The following WDPCP variants were observed in gnomAD, a reference collection of about 807,000 sequenced individuals.
WDPCP encodes the protein WD repeat containing planar cell polarity effector.
A neutral mutation model predicts 93.1 loss-of-function variants in WDPCP; 71 were observed. That is an observed-to-expected ratio of 0.76 (90% CI 0.63 to 0.93). The LOEUF (loss-of-function observed/expected upper bound fraction) is 0.93, where lower values mean the gene tolerates loss of function less well. Ranked by LOEUF, WDPCP falls within the 40% of genes least tolerant of loss-of-function variation. The probability of loss-of-function intolerance (pLI) is 0.00; values close to 1 mark genes in which losing one functional copy is unlikely to be tolerated. For missense variants in WDPCP, 844 were observed against 887.4 expected (o/e 0.95, Z 0.62); for synonymous variants, 315 against 315.0 (o/e 1.00, Z 0.00).
intron 2 of WDPCP, among the ~76,000 whole-genome samples, chr2:63,735,596 G>A (rs1669627204): frequency 6.6e-6 from 1 of 152,140 alleles, no homozygotes; most frequent in Non-Finnish European, 1.5e-5. Flanking sequence ...AGCTGTATGT[G>A]GGAAAGATTA....
At chr2:63,390,066 T>A (rs916598486) in intron 10 of WDPCP, among the ~76,000 whole-genome samples, 1 of 152,124 alleles carries the variant, frequency 6.6e-6, no homozygotes, top group Non-Finnish European at 1.5e-5. Context: ...TCTACAGAAT[T>A]CTCTACCCCT....
chr2:63,149,505 C>G (rs775778627), intron 17 of WDPCP, among the ~76,000 whole-genome samples: 1 of 152,290 alleles, frequency 6.6e-6, no homozygotes, highest in Non-Finnish European at 1.5e-5. Context: ...AGAAATTTCA[C>G]TCCTAAGTAT....
chr2:63,207,037 G>A (rs548530078), intron 14 of WDPCP, among the ~76,000 whole-genome samples: 3 of 152,174 alleles, frequency 2.0e-5, no homozygotes, highest in African/African-American at 7.2e-5. Flanking sequence ...TATGAGTTAT[G>A]ACCACTGTAG....
At chr2:63,414,760 C>G (rs1695287025) in intron 9 of WDPCP, among the ~76,000 whole-genome samples, 1 of 152,148 alleles carries the variant, frequency 6.6e-6, no homozygotes, top group Non-Finnish European at 1.5e-5. Context: ...TAAAAGACTA[C>G]AAATATGGTG....
chr2:63,574,386 C>A (rs748220985), intron 1 of WDPCP, among the ~76,000 whole-genome samples: 1 of 152,042 alleles, frequency 6.6e-6, no homozygotes, highest in Non-Finnish European at 1.5e-5. Context: ...TGAATTTTAC[C>A]CGATATCTGG....
At chr2:63,409,496 G>A (rs1211730398) in intron 9 of WDPCP, among the ~76,000 whole-genome samples, 1 of 152,124 alleles carries the variant, frequency 6.6e-6, no homozygotes, top group Admixed American at 6.6e-5. Context: ...AGGCTCTTTA[G>A]TACCCCCAAA....
At chr2:63,613,654 C>T (rs1343663273) in intron 3 of WDPCP, among the ~76,000 whole-genome samples, 1 of 152,222 alleles carries the variant, frequency 6.6e-6, no homozygotes, top group Non-Finnish European at 1.5e-5. Flanking sequence ...GAAACACCAA[C>T]ATTATTCACC....
chr2:63,452,673 C>T (rs746457146), intron 6 of WDPCP, among the ~76,000 whole-genome samples: 28 of 152,288 alleles, frequency 1.8e-4, no homozygotes, highest in South Asian at 2.1e-4. Flanking sequence ...GGAGGCATCA[C>T]GCTACCTGAC....
chr2:63,808,688 G>C (rs1670809826), intron 2 of WDPCP, among the ~76,000 whole-genome samples: 1 of 152,152 alleles, frequency 6.6e-6, no homozygotes, highest in African/African-American at 2.4e-5. Context: ...ATCTCGGCTC[G>C]CTACAACCTC....
At chr2:63,230,282 T>C (rs1266835953) in intron 14 of WDPCP, among the ~76,000 whole-genome samples, 1 of 152,166 alleles carries the variant, frequency 6.6e-6, no homozygotes, top group Non-Finnish European at 1.5e-5. Flanking sequence ...TTTTTATGGC[T>C]GCATAGTATT....
chr2:63,179,670 A>G (rs918628407), intron 14 of WDPCP, among the ~76,000 whole-genome samples: 8 of 151,986 alleles, frequency 5.3e-5, no homozygotes, highest in African/African-American at 1.2e-4. Flanking sequence ...CTTTATAGCA[A>G]TCCAAGAATG....
At position 63,584,658 on chromosome 2, in the gene WDPCP, T is replaced by C. The variant is rs528081036; in HGVS notation, c.75+3539A>G. Among the ~76,000 whole-genome samples the C allele has an allele frequency of 5.3e-5, 8 of 152,332 alleles. No homozygotes were observed. The East Asian group carries it at 7.7e-4, about 15-fold the overall frequency. ...AGAAACAGTGCTTATGAACATCTTG[T>C]ACATCTCTTGATTTAAATGGGTATG... On this transcript the variant is annotated intron_variant, in intron 1 of 17. Coordinates refer to ENST00000272321, the MANE Select transcript of WDPCP (RefSeq NM_015910.7).
intron 13 of WDPCP, among the ~76,000 whole-genome samples, chr2:63,278,468 A>G (rs1309341633): frequency 6.6e-6 from 1 of 152,198 alleles, no homozygotes; most frequent in African/African-American, 2.4e-5. Context: ...CAAAAGATAA[A>G]TAAAACAAAA....
At chr2:63,155,084 T>C (rs903124424) in intron 15 of WDPCP, among the ~76,000 whole-genome samples, 2 of 152,210 alleles carry the variant, frequency 1.3e-5, no homozygotes, top group African/African-American at 4.8e-5. Context: ...GCTCCCATCA[T>C]GTAGCTTGTC....
At chr2:63,346,010 G>C (rs1469900396) in intron 12 of WDPCP, among the ~76,000 whole-genome samples, 1 of 152,164 alleles carries the variant, frequency 6.6e-6, no homozygotes, top group Non-Finnish European at 1.5e-5. Flanking sequence ...CAAAAATAGG[G>C]GAGCACCTCT....
chr2:63,162,123 T>C (rs556457407), intron 15 of WDPCP, among the ~76,000 whole-genome samples: 1 of 152,116 alleles, frequency 6.6e-6, no homozygotes, highest in Non-Finnish European at 1.5e-5. Context: ...ATCTGGAGAG[T>C]GGGGAATGGG....
intron 14 of WDPCP, among the ~76,000 whole-genome samples, chr2:63,216,523 C>T (rs1677357237): frequency 1.3e-5 from 2 of 151,984 alleles, no homozygotes; most frequent in Non-Finnish European, 2.9e-5. Flanking sequence ...AACACTTGGA[C>T]ACAGGATGGG....
chr2:63,826,950 TGGTATTTATTTGACTTTTA>T (rs1229207184), intron 1 of WDPCP, among the ~76,000 whole-genome samples: 2 of 152,204 alleles, frequency 1.3e-5, no homozygotes, highest in African/African-American at 4.8e-5. Context: ...CAAATCCATT[TGGTATTTATTTGACTTTTA>T]GGTCTCCCAT....
chr2:63,339,178 A>T (rs1017721195), intron 12 of WDPCP, among the ~76,000 whole-genome samples: 2 of 150,726 alleles, frequency 1.3e-5, no homozygotes, highest in Non-Finnish European at 1.5e-5. Flanking sequence ...TTATTTTTTT[A>T]ATTTTTATTT....
Sources: allele counts gnomAD v4.1 joint callset (sites outside exome capture counted in the v4.1 genomes callset), GRCh38; gene constraint gnomAD v4.1.1; transcripts MANE v1.5; gene names NCBI Gene and HGNC (gene_info 2026-07-23, HGNC 2026-07-21).